Variants in MKLN1 observed in about 807,000 individuals in gnomAD.
The protein encoded by MKLN1 is muskelin 1, also known as muskelin.
Under a neutral mutation model 99.0 loss-of-function variants are expected in MKLN1, and 18 were observed. The ratio of observed to expected loss-of-function variants is 0.18; its 90% CI spans 0.13 to 0.27. The LOEUF is 0.27. MKLN1 is among the 10% of genes least tolerant of loss of function. The pLI is 1.00. For synonymous variants in MKLN1, 288 were observed against 293.2 expected, an observed-to-expected ratio of 0.98 and a Z score of 0.18; for missense variants, 621 against 875.9, an observed-to-expected ratio of 0.71 and a Z score of 3.67.
At chr7:131,241,756 T>C (rs1365273285) in intron 3 of MKLN1, among the ~76,000 whole-genome samples, 1 of 152,246 alleles carries the variant, frequency 6.6e-6, no homozygotes, top group Non-Finnish European at 1.5e-5. Context: ...AATGCTTGGA[T>C]GATAGGCAGT....
At chr7:131,379,030 G>A (rs1350599867) in intron 2 of MKLN1, among the ~76,000 whole-genome samples, 13 of 152,126 alleles carry the variant, frequency 8.5e-5, no homozygotes, top group Middle Eastern at 3.4e-3. Flanking sequence ...AAGAAAACTC[G>A]TCTCTGAGAG....
intron 9 of MKLN1, among the ~76,000 whole-genome samples, chr7:131,430,319 T>A (rs1485974580): frequency 2.6e-5 from 4 of 152,094 alleles, no homozygotes; most frequent in African/African-American, 9.7e-5. Context: ...CAGTTTTTAT[T>A]TTTTCAAATA....
rs1795606527 is a variant in MKLN1 at position 131,133,872 on chromosome 7, C to G, written c.-418-8948C>G. Among the ~76,000 whole-genome samples the G allele has an allele frequency of 6.4e-5, 8 of 124,716 alleles. No individual in the cohort carries two copies. The South Asian group carries it at 2.3e-3, about 35-fold the overall frequency. 81.8% of individuals were successfully genotyped at this position (124,716 alleles called of 152,430 possible). ...GAGACGAAGTTTTGCTCTTGTCGCCCAGGCTGGAGCACAATGGTGCAATCT... is the reference window on the plus strand; with the variant it reads ...GAGACGAAGTTTTGCTCTTGTCGCCGAGGCTGGAGCACAATGGTGCAATCT... On this transcript the variant is annotated intron_variant, in intron 1 of 7. Coordinates refer to the MKLN1 transcript ENST00000416992.
intron 3 of MKLN1, among the ~76,000 whole-genome samples, chr7:131,234,732 G>A (rs1238425753): frequency 6.6e-6 from 1 of 152,090 alleles, no homozygotes; most frequent in African/African-American, 2.4e-5. Context: ...ACTTTCCCTG[G>A]AGATCCAAGG....
intron 2 of MKLN1, among the ~76,000 whole-genome samples, chr7:131,187,818 T>G (rs1796475193): frequency 1.3e-5 from 2 of 152,026 alleles, no homozygotes; most frequent in African/African-American, 4.8e-5. Flanking sequence ...TAGCCAGGCA[T>G]GGTGGCGCAT....
chr7:131,384,162 C>G (rs954851362), intron 2 of MKLN1, among the ~76,000 whole-genome samples: 1 of 151,580 alleles, frequency 6.6e-6, no homozygotes, highest in Non-Finnish European at 1.5e-5. Flanking sequence ...CATAAGCATT[C>G]ACTACTTTTT....
chr7:131,390,199 G>T (rs543454840), intron 4 of MKLN1, among the ~76,000 whole-genome samples: 15 of 152,300 alleles, frequency 9.8e-5, no homozygotes, highest in Admixed American at 2.6e-4. Context: ...TTGGATTCCA[G>T]TATGTCACTT....
At chr7:131,452,178 CTT>C (rs1796197794) in intron 12 of MKLN1, among the ~76,000 whole-genome samples, 1 of 152,176 alleles carries the variant, frequency 6.6e-6, no homozygotes, top group African/African-American at 2.4e-5. Flanking sequence ...CTTGGTCTCT[CTT>C]TGTCTGGGTC....
At chr7:131,226,922 T>C (rs992357195) in intron 3 of MKLN1, among the ~76,000 whole-genome samples, 1 of 152,236 alleles carries the variant, frequency 6.6e-6, no homozygotes, top group African/African-American at 2.4e-5. Context: ...GTACTTGTGA[T>C]CTGATGTCAG....
Position 131,343,686 on chromosome 7 carries a change from G to A in MKLN1, c.98+15689G>A, listed in dbSNP as rs1799474121. On this transcript the variant is annotated intron_variant, in intron 1 of 17. Transcript: ENST00000352689. ...ACTCTGTAAAAAATTTAAATATATT[G>A]AAAATAGAACTCTTTGAATTTTATT... 1.3e-5 allele frequency among the ~76,000 whole-genome samples: 2 copies of A among 151,892 alleles called. 1 individual carries two copies. The highest frequency in any genetic ancestry group is 4.1e-4 in the South Asian group (2 of 4,824).
At chr7:131,284,910 A>G (rs552512726) in intron 3 of MKLN1, among the ~76,000 whole-genome samples, 2 of 152,356 alleles carry the variant, frequency 1.3e-5, no homozygotes, top group African/African-American at 2.4e-5. Flanking sequence ...CCAGCAGGCT[A>G]GAACGCTCTG....
intron 17 of MKLN1, among the ~76,000 whole-genome samples, chr7:131,484,115 T>C (rs1040123515): frequency 1.3e-5 from 2 of 152,222 alleles, no homozygotes; most frequent in Non-Finnish European, 2.9e-5. Context: ...TGTATTCTTA[T>C]GAAGTGATAC....
chr7:131,467,488 A>G (rs1354011044), intron 15 of MKLN1, among the ~76,000 whole-genome samples: 1 of 152,206 alleles, frequency 6.6e-6, no homozygotes, highest in East Asian at 1.9e-4. Context: ...GCATTTGAAT[A>G]GAAACTTAAG....
intron 10 of MKLN1, among the ~76,000 whole-genome samples, chr7:131,442,312 C>T (rs1795861700): frequency 6.6e-6 from 1 of 152,154 alleles, no homozygotes; most frequent in South Asian, 2.1e-4. Context: ...CTTTGGGAGG[C>T]CGAGGCAGGC....
chr7:131,225,378 T>G (rs940464061), intron 3 of MKLN1, among the ~76,000 whole-genome samples: 1 of 152,168 alleles, frequency 6.6e-6, no homozygotes, highest in Non-Finnish European at 1.5e-5. Flanking sequence ...GCTCAGAGGA[T>G]CCACTCCTAA....
intron 2 of MKLN1, among the ~76,000 whole-genome samples, chr7:131,175,066 G>GGATT (rs1459093279): frequency 6.6e-6 from 1 of 151,130 alleles, no homozygotes; most frequent in Non-Finnish European, 1.5e-5. Context: ...ATGGATGGAT[G>GGATT]GATGGATGGA....
rs762644903 is a variant in MKLN1 at position 131,445,775 on chromosome 7, A to G, written c.1397A>G (p.Lys466Arg). 3.2e-5 allele frequency: 50 copies of G among 1,585,516 alleles called. No individual in the cohort carries two copies. The highest frequency in any genetic ancestry group is 4.0e-5 in the Non-Finnish European group (47 of 1,169,396). Residue 466 changes from lysine to arginine, a missense_variant and splice_region_variant, in exon 12 of 18, where the codon AAA becomes AGA. This residue lies in a region of MKLN1 where 361 missense variants were observed against 540.8 expected (regional missense o/e 0.67). Transcript: ENST00000352689. Reference sequence around the variant, plus strand: ...CTTTTTTTTTTTCTTCTTTTTCAGAAAAATCGTTGCTTATATGTATTTGGT... The same window carrying G: ...CTTTTTTTTTTTCTTCTTTTTCAGAGAAATCGTTGCTTATATGTATTTGGT... ...RIGHCMLFHS[K>R]NRCLYVFGGQ...
At chr7:131,486,794 A>G (rs1034181155) in intron 17 of MKLN1, among the ~76,000 whole-genome samples, 1 of 152,198 alleles carries the variant, frequency 6.6e-6, no homozygotes, top group Non-Finnish European at 1.5e-5. Flanking sequence ...TGAAGACAGC[A>G]TCTCACTGAA....
At chr7:131,142,552 G>A (rs1376351339) in intron 1 of MKLN1, among the ~76,000 whole-genome samples, 2 of 151,694 alleles carry the variant, frequency 1.3e-5, no homozygotes, top group African/African-American at 2.4e-5. Context: ...TGGTTAACAC[G>A]GTGAAACCTC....
Sources: gnomAD v4.1 joint callset for allele counts (sites outside exome capture counted in the v4.1 genomes callset) on GRCh38, gnomAD v4.1.1 for gene constraint, gnomAD v4.1.1 regional missense constraint, MANE v1.5 for transcripts, NCBI Gene and HGNC (gene_info 2026-07-23, HGNC 2026-07-21) for gene names.